Variants in SNX29 observed in about 807,000 individuals in gnomAD.
SNX29 encodes the protein sorting nexin-29.
Under a neutral mutation model 102.1 loss-of-function variants are expected in SNX29, and 78 were observed. The observed-to-expected ratio is 0.76, with a 90% CI of 0.64 to 0.92. The LOEUF is 0.92. SNX29 is among the 40% of genes least tolerant of loss of function. SNX29 has a pLI of 0.00. For synonymous variants in SNX29, 580 were observed against 414.5 expected, an observed-to-expected ratio of 1.40 and a Z score of -4.85; for missense variants, 1,280 against 1,061.7, an observed-to-expected ratio of 1.21 and a Z score of -2.86.
chr16:12,264,242 C>T (rs1027944889), intron 14 of SNX29, among the ~76,000 whole-genome samples: 2 of 152,178 alleles, frequency 1.3e-5, no homozygotes, highest in East Asian at 3.8e-4. Flanking sequence ...TTAGCTGCCC[C>T]ATATCTAACT....
In SNX29 at chr16:12,524,778, T is replaced by G; in HGVS notation, c.2255T>G (p.Met752Arg). The G allele has an allele frequency of 1.2e-6, 2 of 1,613,846 alleles. No individual in the cohort carries two copies. The highest frequency in any genetic ancestry group is 1.7e-6 in the Non-Finnish European group (2 of 1,179,852). ...LRSVMNKVIQMVPEFAASPKK... is the reference protein window; with the variant it reads ...LRSVMNKVIQRVPEFAASPKK... ...AGCGTCATGAACAAAGTCATCCAGA[T>G]GGTCCCCGAGTTCGCTGCCAGCCCC... is the stretch of plus-strand genomic sequence containing the variant. The change falls in exon 20 of 21, where the codon ATG (methionine) becomes AGG (arginine). Residue 752 changes from methionine (M) to arginine (R), a missense_variant. Transcript: ENST00000566228.
At position 12,420,290 on chromosome 16, in the gene SNX29, C is replaced by T. The variant is rs191071424; in HGVS notation, c.2037+16761C>T. On this transcript the variant is annotated intron_variant, in intron 18 of 20. Coordinates refer to ENST00000566228, the MANE Select transcript of SNX29 (RefSeq NM_032167.5). ...AATAAAGAAATGAATGAGTTGATAGCCCATTATTTCCAATATTTCACAGAA... is the reference window on the plus strand; with the variant it reads ...AATAAAGAAATGAATGAGTTGATAGTCCATTATTTCCAATATTTCACAGAA... Among the ~76,000 whole-genome samples, 568 of 152,306 alleles carry T rather than the reference C, an allele frequency of 3.7e-3. 11 individuals are homozygous for T. The highest frequency in any genetic ancestry group is 1.8e-3 in the Non-Finnish European group (124 of 68,034).
chr16:12,422,030 G>A (rs1330230822), intron 18 of SNX29, among the ~76,000 whole-genome samples: 1 of 151,980 alleles, frequency 6.6e-6, no homozygotes, highest in African/African-American at 2.4e-5. Flanking sequence ...GCCATCCATA[G>A]CATCATCACC....
At chr16:12,157,971 C>A (rs539232203) in intron 13 of SNX29, among the ~76,000 whole-genome samples, 17 of 152,286 alleles carry the variant, frequency 1.1e-4, no homozygotes, top group African/African-American at 3.8e-4. Context: ...TTCCCAGCAT[C>A]CCAGACTTGT....
intron 15 of SNX29, among the ~76,000 whole-genome samples, chr16:12,303,783 A>G (rs1045162395): frequency 1.3e-5 from 2 of 152,202 alleles, no homozygotes; most frequent in Admixed American, 6.5e-5. Flanking sequence ...AAAAAATTAG[A>G]TGTTCTGGAA....
rs1363628959 is a variant in SNX29 at position 12,572,102 on chromosome 16, G to A, written c.*3473G>A. The A allele has an allele frequency of 9.4e-7, 1 of 1,058,388 alleles. No homozygotes were observed. The highest frequency in any genetic ancestry group is 4.6e-5 in the South Asian group (1 of 21,850). The allele number at this position is 1,058,388 out of a possible 1,614,324, so 65.6% of individuals were successfully genotyped here. On this transcript the variant is annotated 3_prime_UTR_variant, in exon 21 of 21. Coordinates refer to ENST00000566228, the MANE Select transcript of SNX29 (RefSeq NM_032167.5). ...AAGAGGAAGGGGAGGGATGTGGACT[G>A]GGTCTGATCACAGCCCTTGGCCCTG...
Position 12,078,905 on chromosome 16 carries a change from C to G in SNX29, c.1392C>G (p.Ser464=). 6.2e-7 allele frequency: 1 copy of G among 1,602,932 alleles called. No individual in the cohort carries two copies. The highest frequency in any genetic ancestry group is 8.5e-7 in the Non-Finnish European group (1 of 1,174,928). ...TACCTTCTGCCTCAGTGCCAGAGTC[C>G]ATGACAATTAGTAAGTACTTTCGCA... ...SLLPSASVPE[S]MTISELRQAT... The change falls in exon 11 of 21, where the codon TCC becomes TCG. Residue 464 remains serine, a synonymous_variant. Coordinates refer to ENST00000566228, the MANE Select transcript of SNX29 (RefSeq NM_032167.5).
chr16:12,483,638 T>G (rs1240461849), intron 19 of SNX29, among the ~76,000 whole-genome samples: 1 of 151,954 alleles, frequency 6.6e-6, no homozygotes, highest in Non-Finnish European at 1.5e-5. Context: ...ATATCACAGG[T>G]GTGGGGTTTG....
At chr16:12,267,435 C>T (rs2078961188) in intron 14 of SNX29, among the ~76,000 whole-genome samples, 1 of 152,196 alleles carries the variant, frequency 6.6e-6, no homozygotes, top group Non-Finnish European at 1.5e-5. Context: ...ATAGAGATTT[C>T]ATGCCGTGGT....
chr16:12,050,550 G>T (rs1273141913), intron 7 of SNX29, among the ~76,000 whole-genome samples: 1 of 152,094 alleles, frequency 6.6e-6, no homozygotes, highest in Non-Finnish European at 1.5e-5. Flanking sequence ...CACGTGTCTG[G>T]AATCAGTGCT....
At chr16:12,240,738 T>A (rs2078080073) in intron 14 of SNX29, among the ~76,000 whole-genome samples, 1 of 152,052 alleles carries the variant, frequency 6.6e-6, no homozygotes, top group East Asian at 1.9e-4. Flanking sequence ...TAGCTGGGAT[T>A]ACAAGTGTGT....
Position 12,570,976 on chromosome 16 carries a change from C to CCT in SNX29, c.*2349_*2350dup. ...CATCCCCAGCTGCCTGCTCCTGGTA[C>CCT]CTCCCCCATGATCATGCACAGACCG... On this transcript the variant is annotated 3_prime_UTR_variant, in exon 21 of 21. Coordinates refer to ENST00000566228, the MANE Select transcript of SNX29 (RefSeq NM_032167.5). 1 of 232,448 alleles carries CCT rather than the reference C, an allele frequency of 4.3e-6. No individual in the cohort carries two copies. Among genetic ancestry groups the CCT allele is most frequent in the Non-Finnish European group, 8.5e-6 (1 of 117,516 alleles). The allele number at this position is 232,448 out of a possible 1,614,324, so 14.4% of individuals were successfully genotyped here.
chr16:12,104,701 TTGGAAGTTTCCTTAAATAG>T (rs1490954989), intron 11 of SNX29, among the ~76,000 whole-genome samples: 2 of 152,208 alleles, frequency 1.3e-5, no homozygotes, highest in African/African-American at 4.8e-5. Context: ...TAAAGTGTAG[TTGGAAGTTTCCTTAAATAG>T]TGGGTGTACC....
At chr16:12,538,197 GCT>G (rs1437384629) in intron 20 of SNX29, among the ~76,000 whole-genome samples, 5 of 152,070 alleles carry the variant, frequency 3.3e-5, no homozygotes, top group Non-Finnish European at 7.4e-5. Flanking sequence ...CTCACCGCAA[GCT>G]CTGTGTTCTG....
intron 15 of SNX29, among the ~76,000 whole-genome samples, chr16:12,292,689 C>T (rs1399407934): frequency 3.9e-5 from 6 of 152,156 alleles, no homozygotes; most frequent in African/African-American, 4.8e-5. Flanking sequence ...TCCAGGTGCC[C>T]CGCCATTTTA....
intron 18 of SNX29, among the ~76,000 whole-genome samples, chr16:12,453,005 G>T (rs1225698975): frequency 6.6e-6 from 1 of 152,096 alleles, no homozygotes; most frequent in African/African-American, 2.4e-5. Flanking sequence ...CAAGGCACGG[G>T]GCCCTAGATG....
chr16:12,054,078 C>A (rs1056212089), intron 8 of SNX29, among the ~76,000 whole-genome samples: 1 of 152,054 alleles, frequency 6.6e-6, no homozygotes, highest in South Asian at 2.1e-4. Flanking sequence ...TGCCATTCTC[C>A]TGCCTCAGCC....
rs149283542 is a variant in SNX29 at position 12,538,496 on chromosome 16, A to ATACTT, written c.2318+13657_2318+13661dup. ...TGATGCTGTGTAACATACATCTATG[A>ATACTT]TACTTTGTTGGTATGTGATAACATA... On this transcript the variant is annotated intron_variant, in intron 20 of 20. Coordinates refer to ENST00000566228, the MANE Select transcript of SNX29 (RefSeq NM_032167.5). Among the ~76,000 whole-genome samples the ATACTT allele has an allele frequency of 3.0e-4, 46 of 152,218 alleles. No individual in the cohort carries two copies. In the East Asian group the frequency reaches 4.4e-3, roughly 15 times the overall value.
chr16:12,415,443 C>T (rs1197195688), intron 18 of SNX29, among the ~76,000 whole-genome samples: 1 of 152,266 alleles, frequency 6.6e-6, no homozygotes, highest in Admixed American at 6.5e-5. Context: ...TGTAATTACA[C>T]AGCAAGGACA....
Sources: gnomAD v4.1 joint callset for allele counts (sites outside exome capture counted in the v4.1 genomes callset) on GRCh38, gnomAD v4.1.1 for gene constraint, MANE v1.5 for transcripts, NCBI Gene and HGNC (gene_info 2026-07-23, HGNC 2026-07-21) for gene names.